Variants in PCDHGA1 observed in about 807,000 individuals in gnomAD.
PCDHGA1 encodes protocadherin gamma subfamily A, 1, also known as protocadherin gamma-A1.
A neutral mutation model predicts 58.0 loss-of-function variants in PCDHGA1; 32 were observed. The ratio of observed to expected loss-of-function variants is 0.55; its 90% confidence interval spans 0.42 to 0.74. PCDHGA1 has a LOEUF of 0.74. PCDHGA1 is among the 30% of genes least tolerant of loss of function. The pLI is 0.00. For synonymous variants in PCDHGA1, 498 were observed against 501.1 expected (o/e 0.99, Z 0.08); for missense variants, 1,205 against 1,182.3 (o/e 1.02, Z -0.28).
At chr5:141,347,541 C>A (rs529535883) in intron 1 of PCDHGA1, among the ~76,000 whole-genome samples, 1 of 152,120 alleles carries the variant, frequency 6.6e-6, no homozygotes, top group African/African-American at 2.4e-5. Context: ...AATCCCAGCA[C>A]TTTGGGAGGC....
chr5:141,497,412 A>G (rs963440048), intron 2 of PCDHGA1, among the ~76,000 whole-genome samples: 13 of 151,982 alleles, frequency 8.6e-5, no homozygotes, highest in African/African-American at 3.1e-4. Flanking sequence ...CTCCCATTCC[A>G]TCAAATGAGA....
intron 1 of PCDHGA1, chr5:141,433,010 C>A (rs1392666523): frequency 6.2e-7 from 1 of 1,614,178 alleles, no homozygotes. Flanking sequence ...GGCTTTCCTG[C>A]AGACCTATTC....
chr5:141,417,659 A>G, intron 1 of PCDHGA1: 1 of 869,514 alleles, frequency 1.2e-6, no homozygotes, highest in Non-Finnish European at 1.7e-6. Context: ...CTAGCCTGGG[A>G]TTCCCTGCGC....
rs1019219811 is a variant in PCDHGA1, at chr5:141,420,399, T to G, written c.2422-74408T>G. ...AGAGTTCGCAAAATATAGGTCAAAT[T>G]TATGGTTATCATTATTAAAACAAAA... On this transcript the variant is annotated intron_variant, in intron 1 of 3. Transcript: ENST00000517417. 5.6e-6 allele frequency: 7 copies of G among 1,257,080 alleles called. No individual in the cohort carries two copies. In the Admixed American group the frequency reaches 1.8e-4, roughly 32 times the overall value. 77.9% of individuals were successfully genotyped at this position (1,257,080 alleles called of 1,614,324 possible).
At chr5:141,419,505 G>C in intron 1 of PCDHGA1, 1 of 1,612,324 alleles carries the variant, frequency 6.2e-7, no homozygotes, top group Non-Finnish European at 8.5e-7. Flanking sequence ...GTGAGCCTGC[G>C]CGTGTTGGTG....
chr5:141,404,525 T>G, intron 1 of PCDHGA1: 1 of 1,613,796 alleles, frequency 6.2e-7, no homozygotes, highest in South Asian at 1.1e-5. Flanking sequence ...CTATGAGCAG[T>G]TTAGAGATTT....
Position 141,346,583 on chromosome 5 carries a change from T to A in PCDHGA1, c.2421+13478T>A, listed in dbSNP as rs80028471. 2.7e-3 allele frequency: 3,690 copies of A among 1,383,602 alleles called. 80 individuals carry two copies. In the East Asian group the frequency reaches 0.061, roughly 23 times the overall value. The allele number at this position is 1,383,602 out of a possible 1,614,324, so 85.7% of individuals were successfully genotyped here. On this transcript the variant is annotated intron_variant, in intron 1 of 3. Coordinates refer to ENST00000517417, the MANE Select transcript of PCDHGA1 (RefSeq NM_018912.3). Reference sequence around the variant, plus strand: ...GTCATTAGTCCTTTGACTAAATATTTGTCCCCCTTTCTTTCTGGGCCTATA... The same window carrying A: ...GTCATTAGTCCTTTGACTAAATATTAGTCCCCCTTTCTTTCTGGGCCTATA...
chr5:141,356,357 T>A, intron 1 of PCDHGA1: 2 of 1,557,122 alleles, frequency 1.3e-6, no homozygotes, highest in Non-Finnish European at 1.7e-6. Flanking sequence ...ACATGTTCTA[T>A]TCCAGATAAT....
At position 141,330,606 on chromosome 5, in the gene PCDHGA1, T is replaced by A. The variant is rs1337100147; in HGVS notation, c.-79T>A. ...TCTCCAGTCAGAATTCTCCTGAAAA[T>A]TGGGTTAATTTCAGCTCAGAAAAGC... On this transcript the variant is annotated 5_prime_UTR_variant, in exon 1 of 4. In the 5' UTR this introduces an upstream ATG that the reference lacks. Coordinates refer to ENST00000517417, the MANE Select transcript of PCDHGA1 (RefSeq NM_018912.3). The A allele has an allele frequency of 7.0e-7, 1 of 1,438,750 alleles. No homozygotes were observed. Among genetic ancestry groups the A allele is most frequent in the Non-Finnish European group, 9.4e-7 (1 of 1,068,086 alleles). The allele number at this position is 1,438,750 out of a possible 1,614,324, so 89.1% of individuals were successfully genotyped here.
chr5:141,415,588 A>G lies in PCDHGA1; in HGVS notation c.2422-79219A>G, dbSNP rs769216282. 3.3e-5 allele frequency: 53 copies of G among 1,613,874 alleles called. No individual in the cohort carries two copies. Among genetic ancestry groups the G allele is most frequent in the Admixed American group, 3.3e-5 (2 of 59,998 alleles). ...TTTGTTAGATGATTCGAAGTTTCCT[A>G]TAGAGGATACCCCATTGGTTCCAGT... On this transcript the variant is annotated intron_variant, in intron 1 of 3. Transcript: ENST00000517417.
intron 1 of PCDHGA1, chr5:141,398,411 T>C (rs1346480691): frequency 6.8e-7 from 1 of 1,478,640 alleles, no homozygotes; most frequent in South Asian, 1.1e-5. Context: ...AGGGAGGAGA[T>C]ATGCGGGAAG....
rs143509166 is a variant in PCDHGA1 at position 141,395,182 on chromosome 5, C to T, written c.2421+62077C>T. On this transcript the variant is annotated intron_variant, in intron 1 of 3. Transcript: ENST00000517417. ...CAGGAGGGCTGTGAGAAAAATGATT[C>T]TTTGTTAACATCCGTAGATTTTCAT... 141 of 1,614,114 alleles carry T rather than the reference C, an allele frequency of 8.7e-5. 2 individuals are homozygous for T. The Middle Eastern group carries it at 1.8e-3, about 21-fold the overall frequency.
At chr5:141,472,347 C>G (rs992566469) in intron 1 of PCDHGA1, among the ~76,000 whole-genome samples, 11 of 152,028 alleles carry the variant, frequency 7.2e-5, no homozygotes, top group Non-Finnish European at 1.2e-4. Context: ...CGAGACCATC[C>G]TGGCTAACAC....
rs552812176 is a variant in PCDHGA1, at chr5:141,497,407, A to G, written c.2480+2542A>G. Among the ~76,000 whole-genome samples, 43 of 152,204 alleles carry G rather than the reference A, an allele frequency of 2.8e-4. No individual in the cohort carries two copies. In the Middle Eastern group the frequency reaches 0.01, roughly 36 times the overall value. The stretch of plus-strand genomic sequence containing the variant: ...GCACCTTACCCCTGCCTCAACTCCC[A>G]TTCCATCAAATGAGAGGCTTAGTGG... On this transcript the variant is annotated intron_variant, in intron 2 of 3. Coordinates refer to ENST00000517417, the MANE Select transcript of PCDHGA1 (RefSeq NM_018912.3).
chr5:141,333,438 T>G, intron 1 of PCDHGA1: 1 of 447,176 alleles, frequency 2.2e-6, no homozygotes, highest in South Asian at 4.1e-5. Context: ...CTAAAAGGTT[T>G]GATTAGAAAA....
At chr5:141,451,107 C>T (rs768308463) in intron 1 of PCDHGA1, among the ~76,000 whole-genome samples, 3 of 152,118 alleles carry the variant, frequency 2.0e-5, no homozygotes, top group Non-Finnish European at 4.4e-5. Flanking sequence ...GGATTACAGG[C>T]GTGAGCCACC....
intron 1 of PCDHGA1, chr5:141,394,793 C>T (rs1178290546): frequency 1.1e-5 from 17 of 1,613,654 alleles, no homozygotes; most frequent in African/African-American, 2.7e-5. Flanking sequence ...CTGTCACGCT[C>T]ACCGTAGCCG....
chr5:141,357,744 A>C, intron 1 of PCDHGA1: 1 of 1,224,260 alleles, frequency 8.2e-7, no homozygotes, highest in East Asian at 2.5e-5. Context: ...TATTGCTTTA[A>C]AGAAAACTGG....
intron 1 of PCDHGA1, chr5:141,341,458 T>C: frequency 1.2e-6 from 2 of 1,603,624 alleles, no homozygotes; most frequent in South Asian, 1.1e-5. Flanking sequence ...CTTACTTGTT[T>C]ACTATATCTA....
Sources: allele counts gnomAD v4.1 joint callset (sites outside exome capture counted in the v4.1 genomes callset), GRCh38; gene constraint gnomAD v4.1.1; transcripts MANE v1.5; gene names NCBI Gene and HGNC (gene_info 2026-07-23, HGNC 2026-07-21).